Variants in NFATC2 observed in about 807,000 individuals in gnomAD.
The protein encoded by NFATC2 is nuclear factor of activated T-cells, cytoplasmic 2.
Under a neutral mutation model 87.3 loss-of-function variants are expected in NFATC2, and 22 were observed. The observed-to-expected ratio is 0.25, with a 90% CI of 0.18 to 0.36. The LOEUF (loss-of-function observed/expected upper bound fraction) is 0.36, where lower values mean the gene tolerates loss of function less well. NFATC2 is among the 10% of genes least tolerant of loss of function. The pLI, the probability that NFATC2 is intolerant of heterozygous loss-of-function variation, is 1.00. For synonymous variants in NFATC2, 565 were observed against 542.2 expected (o/e 1.04, Z -0.58); for missense variants, 1,149 against 1,259.1 (o/e 0.91, Z 1.32).
At chr20:51,463,149 G>A (rs1463890278) in intron 5 of NFATC2, among the ~76,000 whole-genome samples, 1 of 152,220 alleles carries the variant, frequency 6.6e-6, no homozygotes, top group Non-Finnish European at 1.5e-5. Flanking sequence ...CATCTCCCGG[G>A]AGAGGCTGTG....
At chr20:51,528,743 T>C (rs1476948665) in intron 1 of NFATC2, among the ~76,000 whole-genome samples, 1 of 152,226 alleles carries the variant, frequency 6.6e-6, no homozygotes, top group Non-Finnish European at 1.5e-5. Flanking sequence ...CATAGCATGA[T>C]ATACAGTAAT....
chr20:51,530,260 G>A (rs1313236072), intron 1 of NFATC2, among the ~76,000 whole-genome samples: 6 of 152,048 alleles, frequency 3.9e-5, no homozygotes, highest in Non-Finnish European at 7.4e-5. Context: ...TCCGCCTCCC[G>A]GGTTCAAGCG....
chr20:51,449,628 A>T (rs1293239874), intron 6 of NFATC2, among the ~76,000 whole-genome samples: 1 of 152,152 alleles, frequency 6.6e-6, no homozygotes, highest in Non-Finnish European at 1.5e-5. Context: ...CTTCACGCAA[A>T]ATTAACCTGG....
chr20:51,512,471 A>G (rs1380041974), intron 3 of NFATC2, among the ~76,000 whole-genome samples: 1 of 152,198 alleles, frequency 6.6e-6, no homozygotes, highest in African/African-American at 2.4e-5. Context: ...CAACCAGCAC[A>G]GTGCCTGGCA....
Position 51,523,016 on chromosome 20 carries a change from C to T in NFATC2, c.1160+65G>A, listed in dbSNP as rs1290404974. On this transcript the variant is annotated intron_variant, in intron 2 of 10. Coordinates refer to ENST00000371564, the MANE Select transcript of NFATC2 (RefSeq NM_012340.5). The surrounding 1 kb of genome is among the most constrained non-coding windows in gnomAD (Gnocchi z 6.9). Reference sequence around the variant, plus strand: ...TAAACCTGACTCTGAATCCCATGCTCATAACCAGAAAACCATCTCTTAAAA... The same window carrying T: ...TAAACCTGACTCTGAATCCCATGCTTATAACCAGAAAACCATCTCTTAAAA... The T allele has an allele frequency of 3.1e-6, 5 of 1,598,588 alleles. No homozygotes were observed. The highest frequency in any genetic ancestry group is 1.1e-5 in the South Asian group (1 of 89,794).
chr20:51,432,102 T>G lies in NFATC2; in HGVS notation c.2687A>C (p.Gln896Pro). The G allele has an allele frequency of 1.3e-6, 2 of 1,539,814 alleles. No individual in the cohort carries two copies. Among genetic ancestry groups the G allele is most frequent in the Non-Finnish European group, 8.8e-7 (1 of 1,140,180 alleles). Residue 896 changes from glutamine (Q) to proline (P), a missense_variant, in exon 9 of 11, where the codon CAG becomes CCG. Transcript: ENST00000371564. The surrounding 1 kb of genome is among the most constrained non-coding windows in gnomAD (Gnocchi z 4.6). The stretch of plus-strand genomic sequence containing the variant: ...GTAGGTCTGGTCCAAGTTCTGCTCC[T>G]GTTTAATGGTCACCCCCGCAGGTAA... ...EVLPAGVTIK[Q>P]EQNLDQTYLD...
chr20:51,553,970 A>T (rs969349241), intron 1 of NFATC2, among the ~76,000 whole-genome samples: 1 of 151,948 alleles, frequency 6.6e-6, no homozygotes, highest in Non-Finnish European at 1.5e-5. Flanking sequence ...ATGCCCCAAG[A>T]TCATTTCTCT....
At chr20:51,510,600 T>G (rs2076257746) in intron 3 of NFATC2, among the ~76,000 whole-genome samples, 1 of 152,230 alleles carries the variant, frequency 6.6e-6, no homozygotes, top group African/African-American at 2.4e-5. Context: ...TCTACTTCAA[T>G]AAGATTTAGA....
At chr20:51,412,675 C>T (rs1052820480) in intron 9 of NFATC2, among the ~76,000 whole-genome samples, 1 of 152,102 alleles carries the variant, frequency 6.6e-6, no homozygotes, top group African/African-American at 2.4e-5. Flanking sequence ...CTCACATGCC[C>T]GATTCCTGGG....
intron 2 of NFATC2, among the ~76,000 whole-genome samples, chr20:51,522,393 C>T (rs1375280882): frequency 6.6e-6 from 1 of 152,112 alleles, no homozygotes; most frequent in African/African-American, 2.4e-5. Context: ...TTAGCAATGT[C>T]TTTCACAAGC....
At position 51,480,221 on chromosome 20, in the gene NFATC2, GA is replaced by G. The variant is rs756489831; in HGVS notation, c.1333-4562del. 2.0e-5 allele frequency among the ~76,000 whole-genome samples: 3 copies of G among 152,088 alleles called. No individual in the cohort carries two copies. Among genetic ancestry groups the G allele is most frequent in the Non-Finnish European group, 4.4e-5 (3 of 68,032 alleles). On this transcript the variant is annotated intron_variant, in intron 3 of 10. Coordinates refer to ENST00000371564, the MANE Select transcript of NFATC2 (RefSeq NM_012340.5). This position sits in a 1 kb window ranked among gnomAD's most constrained non-coding sequence, Gnocchi z 4.2. ...GAGAATCACTTGAACCCGGGGGTTG[GA>G]GGTGGCAGTGAGCCGATATTGCACC...
At chr20:51,518,751 T>A (rs900960688) in intron 2 of NFATC2, among the ~76,000 whole-genome samples, 1 of 152,240 alleles carries the variant, frequency 6.6e-6, no homozygotes, top group Non-Finnish European at 1.5e-5. Flanking sequence ...TATTGACTAC[T>A]GCAAATTTTT....
chr20:51,477,506 CAT>C (rs1024622710), intron 3 of NFATC2, among the ~76,000 whole-genome samples: 6 of 127,512 alleles, frequency 4.7e-5, no homozygotes, highest in African/African-American at 8.6e-5. Flanking sequence ...TATATATACA[CAT>C]ATATATATAC....
intron 9 of NFATC2, among the ~76,000 whole-genome samples, chr20:51,399,817 G>GCAGA (rs1319869462): frequency 2.0e-5 from 3 of 152,168 alleles, no homozygotes; most frequent in African/African-American, 7.2e-5. Context: ...AAGTCCAAGA[G>GCAGA]CAGACAGTAC....
rs140820336 is a variant in NFATC2 at position 51,448,270 on chromosome 20, C to T, written c.1849+6278G>A. On this transcript the variant is annotated intron_variant, in intron 6 of 10. Transcript: ENST00000371564. The stretch of plus-strand genomic sequence containing the variant: ...GGGAAGCGGGACAACTTCAGAATGA[C>T]GGTCAAGGAGGACCCCGTGGAGGAA... 6.6e-4 allele frequency among the ~76,000 whole-genome samples: 101 copies of T among 152,262 alleles called. 2 individuals carry two copies. The East Asian group carries it at 0.018, about 28-fold the overall frequency.
At position 51,523,750 on chromosome 20, in the gene NFATC2, G is replaced by A; in HGVS notation, c.491C>T (p.Pro164Leu). The change falls in exon 2 of 11, where the codon CCG becomes CTG. Residue 164 changes from proline to leucine, a missense_variant. Physicochemically the swap from Pro to Leu is moderately conservative, Grantham distance 98. Around this residue, in one of 3 missense-constraint regions of NFATC2, gnomAD observed 563 missense variants for 585.2 expected, o/e 0.96. Coordinates refer to ENST00000371564, the MANE Select transcript of NFATC2 (RefSeq NM_012340.5). This position sits in a 1 kb window ranked among gnomAD's most constrained non-coding sequence, Gnocchi z 6.9. ...PVPGFEGYRE[P>L]LCLSPASSGS... ...GCTGCTAGCGGGGCTCAAGCAAAGC[G>A]GCTCGCGGTAGCCCTCGAAGCCGGG... The A allele has an allele frequency of 6.2e-7, 1 of 1,611,228 alleles. No individual in the cohort carries two copies. The highest frequency in any genetic ancestry group is 8.5e-7 in the Non-Finnish European group (1 of 1,178,542).
intron 1 of NFATC2, among the ~76,000 whole-genome samples, chr20:51,530,795 C>A (rs2076620902): frequency 2.0e-5 from 3 of 152,122 alleles, no homozygotes; most frequent in Admixed American, 2.0e-4. Context: ...CTGAGCCACC[C>A]CCTCCTGGAG....
Position 51,432,729 on chromosome 20 carries a change from T to C in NFATC2, c.2060A>G (p.Asp687Gly). 1 of 1,583,256 alleles carries C rather than the reference T, an allele frequency of 6.3e-7. No individual in the cohort carries two copies. The highest frequency in any genetic ancestry group is 8.5e-7 in the Non-Finnish European group (1 of 1,172,742). The stretch of plus-strand genomic sequence containing the variant: ...GCAGATCAGAGTGGGGTCATATTCA[T>C]CCGTGGGCTCCGTCTTGATGGCTGG... The part of the protein sequence containing the change: ...PVPAIKTEPT[D>G]EYDPTLICSP... The change falls in exon 9 of 11, where the codon GAT becomes GGT. Residue 687 changes from aspartate to glycine, a missense_variant. Physicochemically the swap from Asp to Gly is moderately conservative, Grantham distance 94 (BLOSUM62 -1). This residue lies in a region of NFATC2 where 581 missense variants were observed against 649.7 expected (regional missense o/e 0.89). Coordinates refer to ENST00000371564, the MANE Select transcript of NFATC2 (RefSeq NM_012340.5). This position sits in a 1 kb window ranked among gnomAD's most constrained non-coding sequence, Gnocchi z 4.6.
intron 6 of NFATC2, among the ~76,000 whole-genome samples, chr20:51,444,393 C>T (rs1984780526): frequency 2.6e-5 from 4 of 151,624 alleles, no homozygotes; most frequent in Admixed American, 2.6e-4. Context: ...GATGTATGGC[C>T]CCTATACTTT....
Sources: gnomAD v4.1 joint callset for allele counts (sites outside exome capture counted in the v4.1 genomes callset) on GRCh38, gnomAD v4.1.1 for gene constraint, gnomAD v4.1.1 regional missense constraint, Gnocchi (gnomAD v3.1) non-coding constraint, MANE v1.5 for transcripts, NCBI Gene and HGNC (gene_info 2026-07-23, HGNC 2026-07-21) for gene names.